LHFPL6: variants seen among roughly 807,000 people sequenced by gnomAD.
The protein encoded by LHFPL6 is LHFPL tetraspan subfamily member 6 protein.
A neutral mutation model predicts 20.6 loss-of-function variants in LHFPL6; 9 were observed. The observed-to-expected ratio is 0.44, with a 90% CI of 0.26 to 0.76. The LOEUF (loss-of-function observed/expected upper bound fraction) is 0.76, where lower values mean the gene tolerates loss of function less well. Among genes scored for constraint, LHFPL6 ranks in the 30% least tolerant of loss-of-function variants. The pLI is 0.20. For synonymous variants in LHFPL6, 105 were observed against 98.7 expected (o/e 1.06, Z -0.38); for missense variants, 218 against 253.5 (o/e 0.86, Z 0.95).
At chr13:39,387,904 G>A (rs1593294389) in intron 2 of LHFPL6, among the ~76,000 whole-genome samples, 2 of 152,158 alleles carry the variant, frequency 1.3e-5, no homozygotes, top group South Asian at 2.1e-4. Flanking sequence ...ACTGCTGCCT[G>A]TGACTAACGA....
chr13:39,375,927 G>A (rs774197445), intron 3 of LHFPL6, among the ~76,000 whole-genome samples: 3 of 151,822 alleles, frequency 2.0e-5, no homozygotes, highest in South Asian at 2.1e-4. Context: ...ATTTAGAAAC[G>A]CATGATCAGA....
chr13:39,399,896 C>A (rs1481187908), intron 2 of LHFPL6, among the ~76,000 whole-genome samples: 3 of 152,062 alleles, frequency 2.0e-5, no homozygotes, highest in Admixed American at 2.0e-4. Flanking sequence ...GAGTTCGAGG[C>A]CAGCCTGACC....
intron 3 of LHFPL6, among the ~76,000 whole-genome samples, chr13:39,349,563 C>T (rs1869504853): frequency 6.6e-6 from 1 of 152,168 alleles, no homozygotes; most frequent in South Asian, 2.1e-4. Flanking sequence ...TAATATAATT[C>T]CTGCTATCAA....
intron 3 of LHFPL6, among the ~76,000 whole-genome samples, chr13:39,356,442 C>T (rs1381074146): frequency 1.3e-5 from 2 of 152,128 alleles, no homozygotes; most frequent in African/African-American, 4.8e-5. Flanking sequence ...AGTTAATAAT[C>T]TAACATCATA....
intron 2 of LHFPL6, among the ~76,000 whole-genome samples, chr13:39,531,681 G>C (rs1408179369): frequency 6.6e-6 from 1 of 152,118 alleles, no homozygotes; most frequent in Non-Finnish European, 1.5e-5. Context: ...GCTAGATGTG[G>C]GTGGCCCAGA....
chr13:39,413,444 T>C (rs1871278691), intron 2 of LHFPL6, among the ~76,000 whole-genome samples: 1 of 94,818 alleles, frequency 1.1e-5, no homozygotes. Flanking sequence ...ATTTTTTTTT[T>C]TTTTTTTTAG....
intron 2 of LHFPL6, among the ~76,000 whole-genome samples, chr13:39,450,995 A>G (rs760668896): frequency 6.6e-6 from 1 of 152,188 alleles, no homozygotes; most frequent in African/African-American, 2.4e-5. Context: ...CCACAAATTT[A>G]CCACGAAGAG....
chr13:39,401,929 A>G (rs771590408), intron 2 of LHFPL6, among the ~76,000 whole-genome samples: 25 of 152,208 alleles, frequency 1.6e-4, no homozygotes, highest in Non-Finnish European at 3.2e-4. Flanking sequence ...ACAATGGGTT[A>G]TTTAGATAAC....
rs1314635817 is a variant in LHFPL6 at position 39,388,382 on chromosome 13, T to C, written c.386-9856A>G. Among the ~76,000 whole-genome samples, 4 of 152,206 alleles carry C rather than the reference T, an allele frequency of 2.6e-5. No individual in the cohort carries two copies. The East Asian group carries it at 7.7e-4, about 29-fold the overall frequency. On this transcript the variant is annotated intron_variant, in intron 2 of 3. Transcript: ENST00000379589. The stretch of plus-strand genomic sequence containing the variant: ...CAGTCATGAGTGACTTGTCACTTTT[T>C]ATCTTCCTGGGGTCCTAGGCAATCA...
chr13:39,464,192 A>C (rs1336874328), intron 2 of LHFPL6, among the ~76,000 whole-genome samples: 1 of 152,210 alleles, frequency 6.6e-6, no homozygotes, highest in African/African-American at 2.4e-5. Flanking sequence ...TGATGAGTTA[A>C]AAAAGTCTTC....
intron 2 of LHFPL6, among the ~76,000 whole-genome samples, chr13:39,532,342 C>T (rs1431193111): frequency 6.6e-6 from 1 of 152,144 alleles, no homozygotes; most frequent in Non-Finnish European, 1.5e-5. Flanking sequence ...CAACCACCAC[C>T]ACTCCTCGAC....
rs924770260 is a variant in LHFPL6 at position 39,562,357 on chromosome 13, T to C, written c.385+38475A>G. 1.6e-4 allele frequency among the ~76,000 whole-genome samples: 21 copies of C among 135,460 alleles called. No individual in the cohort carries two copies. The South Asian group carries it at 2.2e-3, about 15-fold the overall frequency. 88.9% of individuals were successfully genotyped at this position (135,460 alleles called of 152,430 possible). On this transcript the variant is annotated intron_variant, in intron 2 of 3. Coordinates refer to ENST00000379589, the MANE Select transcript of LHFPL6 (RefSeq NM_005780.3). Reference sequence around the variant, plus strand: ...GTGTGTGTGTATATATATACATATATATACATATACATATATACATATATA... The same window carrying C: ...GTGTGTGTGTATATATATACATATACATACATATACATATATACATATATA...
At chr13:39,350,098 G>A (rs1403210167) in intron 3 of LHFPL6, among the ~76,000 whole-genome samples, 1 of 152,112 alleles carries the variant, frequency 6.6e-6, no homozygotes, top group African/African-American at 2.4e-5. Context: ...AAACGCAGCC[G>A]GGAACAATAC....
At chr13:39,549,395 A>G (rs1871081878) in intron 2 of LHFPL6, among the ~76,000 whole-genome samples, 1 of 152,178 alleles carries the variant, frequency 6.6e-6, no homozygotes, top group African/African-American at 2.4e-5. Context: ...GCTAGAAAAA[A>G]GTATGCTAGA....
intron 2 of LHFPL6, among the ~76,000 whole-genome samples, chr13:39,452,334 T>A (rs2138422050): frequency 6.6e-6 from 1 of 152,286 alleles, no homozygotes; most frequent in South Asian, 2.1e-4. Flanking sequence ...TTTGAAATGT[T>A]TGCCCTTCAA....
intron 2 of LHFPL6, among the ~76,000 whole-genome samples, chr13:39,529,082 C>T (rs1870379028): frequency 6.6e-6 from 1 of 151,812 alleles, no homozygotes; most frequent in African/African-American, 2.4e-5. Flanking sequence ...TGCCAATTCC[C>T]TTATTTCTTT....
intron 2 of LHFPL6, among the ~76,000 whole-genome samples, chr13:39,389,330 C>T (rs1350508979): frequency 6.6e-6 from 1 of 152,074 alleles, no homozygotes; most frequent in African/African-American, 2.4e-5. Flanking sequence ...TGAGAAGGGT[C>T]CCAGCGAATG....
At chr13:39,526,343 T>C (rs1194083438) in intron 2 of LHFPL6, among the ~76,000 whole-genome samples, 1 of 152,180 alleles carries the variant, frequency 6.6e-6, no homozygotes, top group African/African-American at 2.4e-5. Flanking sequence ...CAGATATACA[T>C]GGCAGGGGTT....
At chr13:39,352,329 AGCTGCTGTCTGCCT>A (rs1869589301) in intron 3 of LHFPL6, among the ~76,000 whole-genome samples, 1 of 152,204 alleles carries the variant, frequency 6.6e-6, no homozygotes, top group African/African-American at 2.4e-5. Context: ...TCCACTCCAG[AGCTGCTGTCTGCCT>A]ATGAACCCTC....
Sources: allele counts gnomAD v4.1 joint callset (sites outside exome capture counted in the v4.1 genomes callset), GRCh38; gene constraint gnomAD v4.1.1; transcripts MANE v1.5; gene names NCBI Gene and HGNC (gene_info 2026-07-23, HGNC 2026-07-21).